KRR1: variants seen among roughly 807,000 people sequenced by gnomAD.
KRR1 encodes KRR1 small subunit processome component.
In KRR1, 23 loss-of-function variants were observed where a neutral mutation model predicts 50.0. The observed-to-expected ratio is 0.46, with a 90% CI of 0.33 to 0.65. KRR1 has a LOEUF of 0.65. Among genes scored for constraint, KRR1 ranks in the 30% least tolerant of loss-of-function variants. The pLI, the probability that KRR1 is intolerant of heterozygous loss-of-function variation, is 0.02. For synonymous variants in KRR1, 133 were observed against 146.3 expected (o/e 0.91, Z 0.66); for missense variants, 419 against 442.4 (o/e 0.95, Z 0.47).
Position 75,492,077 on chromosome 12 carries a change from A to C in KRR1, c.*7732T>G, listed in dbSNP as rs971369971. On this transcript the variant is annotated 3_prime_UTR_variant, in exon 10 of 10. Coordinates refer to ENST00000229214, the MANE Select transcript of KRR1 (RefSeq NM_007043.7). The stretch of plus-strand genomic sequence containing the variant: ...CAAAGCCATAATTCAGTTAGTGGTA[A>C]CTTTTCATGACTTTTTTTTTTTTTT... 2.8e-5 allele frequency: 4 copies of C among 140,852 alleles called. No individual in the cohort carries two copies. The highest frequency in any genetic ancestry group is 1.1e-4 in the African/African-American group (4 of 37,922). The allele number at this position is 140,852 out of a possible 1,614,324, so 8.7% of individuals were successfully genotyped here. A position where few individuals can be genotyped will look rare whatever the true frequency, so the allele number is the denominator to read the frequency against.
In KRR1 at chr12:75,495,826, G is replaced by A. The variant is rs1419367366; in HGVS notation, c.*3983C>T. 2.2e-6 allele frequency: 1 copy of A among 445,714 alleles called. No homozygotes were observed. Among genetic ancestry groups the A allele is most frequent in the African/African-American group, 2.0e-5 (1 of 49,820 alleles). 27.6% of individuals were successfully genotyped at this position (445,714 alleles called of 1,614,324 possible). On this transcript the variant is annotated 3_prime_UTR_variant, in exon 10 of 10. Coordinates refer to ENST00000229214, the MANE Select transcript of KRR1 (RefSeq NM_007043.7). ...CTTACTGTTCTAGGAATACATTTAA[G>A]AGAAATTTAAATGTGAAAATCACGT...
At chr12:75,502,254 A>G in intron 7 of KRR1, 2 of 330,748 alleles carry the variant, frequency 6.0e-6, no homozygotes, top group Non-Finnish European at 1.1e-5. Context: ...ACTGATTCAG[A>G]AAAGTGTGAG....
At position 75,509,335 on chromosome 12, in the gene KRR1, G is replaced by A. The variant is rs139139613; in HGVS notation, c.86-889C>T. ...AGACCTACTGAATGAGAATCTCTTC[G>A]ACGAGGGACAAGAATCTGTGTTTTA... On this transcript the variant is annotated intron_variant, in intron 1 of 9. Transcript: ENST00000229214. Among the ~76,000 whole-genome samples the A allele has an allele frequency of 4.7e-4, 71 of 152,158 alleles. No individual in the cohort carries two copies. The East Asian group carries it at 7.9e-3, about 17-fold the overall frequency.
At chr12:75,506,125 T>C (rs985512212) in intron 5 of KRR1, 191 bp downstream of exon 5, 2 of 452,460 alleles carry the variant, frequency 4.4e-6, no homozygotes, top group Non-Finnish European at 7.9e-6. Flanking sequence ...GTTGCCAAGG[T>C]TGGCCAAAAC....
rs1481817527 is a variant in KRR1, at chr12:75,498,460, T to A, written c.*1349A>T. 9 of 409,370 alleles carry A rather than the reference T, an allele frequency of 2.2e-5. No individual in the cohort carries two copies. The highest frequency in any genetic ancestry group is 3.5e-5 in the Non-Finnish European group (8 of 231,592). The allele number at this position is 409,370 out of a possible 1,614,324, so 25.4% of individuals were successfully genotyped here. A position where few individuals can be genotyped will look rare whatever the true frequency, so the allele number is the denominator to read the frequency against. On this transcript the variant is annotated 3_prime_UTR_variant, in exon 10 of 10. Coordinates refer to ENST00000229214, the MANE Select transcript of KRR1 (RefSeq NM_007043.7). ...TAAAATGATTTTCCATTTATAGTAA[T>A]GGTATAGTTTCCTTTTTATAAAAGG...
Position 75,503,916 on chromosome 12 carries a change from T to A in KRR1, c.819A>T (p.Gln273His), listed in dbSNP as rs750732688. ...ATTTAGTACTAACCTGACTTTCTGGTTGTGGTGGTGGGAATGGCGTATATT... is the reference window on the plus strand; with the variant it reads ...ATTTAGTACTAACCTGACTTTCTGGATGTGGTGGTGGGAATGGCGTATATT... ...KKEYTPFPPP[Q>H]PESQIDKELA... Residue 273 changes from glutamine to histidine, a missense_variant, in exon 7 of 10, where the codon CAA becomes CAT. Gln to His is a conservative substitution (Grantham distance 24, BLOSUM62 0). Coordinates refer to ENST00000229214, the MANE Select transcript of KRR1 (RefSeq NM_007043.7). The A allele has an allele frequency of 6.2e-7, 1 of 1,608,390 alleles. No individual in the cohort carries two copies. Among genetic ancestry groups the A allele is most frequent in the South Asian group, 1.1e-5 (1 of 90,240 alleles).
chr12:75,506,624 A>AG lies in KRR1; in HGVS notation c.394-16_394-15insC. On this transcript the variant is annotated splice_polypyrimidine_tract_variant and intron_variant, in intron 3 of 9. Coordinates refer to ENST00000229214, the MANE Select transcript of KRR1 (RefSeq NM_007043.7). ...ATTCGTACTGCCTTTTGCAAAAAAA[A>AG]AAAAAAAAAGAAGACATTATCAACA... 1 of 1,552,478 alleles carries AG rather than the reference A, an allele frequency of 6.4e-7. No individual in the cohort carries two copies. Among genetic ancestry groups the AG allele is most frequent in the Non-Finnish European group, 8.6e-7 (1 of 1,160,412 alleles).
intron 7 of KRR1, chr12:75,502,995 AAG>A (rs1025112325): frequency 2.2e-4 from 34 of 152,000 alleles, no homozygotes; most frequent in African/African-American, 7.7e-4. Context: ...TTGTGGAAAA[AAG>A]AGATGTAGAA....
rs566465517 is a variant in KRR1, at chr12:75,492,587, G to A, written c.*7222C>T. The A allele has an allele frequency of 6.6e-6, 1 of 152,254 alleles. No homozygotes were observed. Among genetic ancestry groups the A allele is most frequent in the South Asian group, 2.1e-4 (1 of 4,826 alleles). The allele number at this position is 152,254 out of a possible 1,614,324, so 9.4% of individuals were successfully genotyped here. ...TAGTGAATGTTTTGTAAGTATTCAT[G>A]ATTTTTATTCATTAAAGTATAAATG... On this transcript the variant is annotated 3_prime_UTR_variant, in exon 10 of 10. Coordinates refer to ENST00000229214, the MANE Select transcript of KRR1 (RefSeq NM_007043.7).
rs1295057285 is a variant in KRR1 at position 75,496,814 on chromosome 12, A to T, written c.*2995T>A. The T allele has an allele frequency of 6.6e-6, 1 of 152,182 alleles. No individual in the cohort carries two copies. Among genetic ancestry groups the T allele is most frequent in the Non-Finnish European group, 1.5e-5 (1 of 68,038 alleles). The allele number at this position is 152,182 out of a possible 1,614,324, so 9.4% of individuals were successfully genotyped here. A position where few individuals can be genotyped will look rare whatever the true frequency, so the allele number is the denominator to read the frequency against. On this transcript the variant is annotated 3_prime_UTR_variant, in exon 10 of 10. Coordinates refer to ENST00000229214, the MANE Select transcript of KRR1 (RefSeq NM_007043.7). ...CTAAAATTATAAAATTCTATATATT[A>T]AACTGCTTGCTCTCCTCCTTCCCAT...
intron 9 of KRR1, 187 bp downstream of exon 9, chr12:75,501,536 A>T: frequency 1.8e-6 from 1 of 561,806 alleles, no homozygotes; most frequent in South Asian, 2.3e-5. Flanking sequence ...TTTGCACTGA[A>T]ATAGGCATTA....
chr12:75,499,569 T>TTAATGGA lies in KRR1; in HGVS notation c.*233_*239dup, dbSNP rs2046375799. Reference sequence around the variant, plus strand: ...TAACCAATAGCATCAGACACTGGATTTAATGGATAATCACAATGGTCGTAA... The same window carrying TTAATGGA: ...TAACCAATAGCATCAGACACTGGATTTAATGGATAATGGATAATCACAATGGTCGTAA... On this transcript the variant is annotated 3_prime_UTR_variant, in exon 10 of 10. Coordinates refer to ENST00000229214, the MANE Select transcript of KRR1 (RefSeq NM_007043.7). The TTAATGGA allele has an allele frequency of 4.1e-6, 1 of 243,806 alleles. No homozygotes were observed. The allele number at this position is 243,806 out of a possible 1,614,324, so 15.1% of individuals were successfully genotyped here.
chr12:75,506,442 T>C lies in KRR1; in HGVS notation c.519+42A>G, dbSNP rs543115598. On this transcript the variant is annotated intron_variant, in intron 4 of 9. Transcript: ENST00000229214. The stretch of plus-strand genomic sequence containing the variant: ...GTTAAAATTCATTACTCTGAAAAAG[T>C]ATTAAGGAAGAGACTCAAGTTTTCC... 30 of 1,605,368 alleles carry C rather than the reference T, an allele frequency of 1.9e-5. No homozygotes were observed. In the South Asian group the frequency reaches 2.4e-4, roughly 13 times the overall value.
In KRR1 at chr12:75,499,605, G is replaced by GACATATATACC. The variant is rs2046376158; in HGVS notation, c.*203_*204insGGTATATATGT. 1.9e-5 allele frequency: 6 copies of GACATATATACC among 314,368 alleles called. No individual in the cohort carries two copies. Among genetic ancestry groups the GACATATATACC allele is most frequent in the African/African-American group, 1.4e-4 (6 of 43,608 alleles). The allele number at this position is 314,368 out of a possible 1,614,324, so 19.5% of individuals were successfully genotyped here. On this transcript the variant is annotated 3_prime_UTR_variant, in exon 10 of 10. Transcript: ENST00000229214. ...TCACAATGGTCGTAATGTATACAAA[G>GACATATATACC]ACTTATATACCACTTTCTCGTATAA...
chr12:75,491,259 G>A lies in KRR1; in HGVS notation c.*8550C>T, dbSNP rs1011084934. 4.6e-5 allele frequency: 7 copies of A among 152,140 alleles called. No homozygotes were observed. Among genetic ancestry groups the A allele is most frequent in the African/African-American group, 1.7e-4 (7 of 41,426 alleles). The allele number at this position is 152,140 out of a possible 1,614,324, so 9.4% of individuals were successfully genotyped here. ...AACTTAATCTTCACCAGAAGTTTAT[G>A]AGATGGCTCCTATTACTACCCCTGT... On this transcript the variant is annotated 3_prime_UTR_variant, in exon 10 of 10. Transcript: ENST00000229214.
At chr12:75,507,625 C>G (rs1278529783) in intron 2 of KRR1, among the ~76,000 whole-genome samples, 1 of 152,082 alleles carries the variant, frequency 6.6e-6, no homozygotes, top group Non-Finnish European at 1.5e-5. Context: ...CCACCTTCAC[C>G]CACAATGGCA....
rs2046346015 is a variant in KRR1 at position 75,495,653 on chromosome 12, A to C, written c.*4156T>G. The C allele has an allele frequency of 1.3e-6, 2 of 1,598,438 alleles. No homozygotes were observed. The highest frequency in any genetic ancestry group is 4.5e-5 in the East Asian group (2 of 44,800). On this transcript the variant is annotated 3_prime_UTR_variant, in exon 10 of 10. Coordinates refer to ENST00000229214, the MANE Select transcript of KRR1 (RefSeq NM_007043.7). ...CCCCAATAATGACAAGTGTTTGGACAATCTCTGTGGTGAGTAAAAGGAACA... is the reference window on the plus strand; with the variant it reads ...CCCCAATAATGACAAGTGTTTGGACCATCTCTGTGGTGAGTAAAAGGAACA...
intron 2 of KRR1, among the ~76,000 whole-genome samples, chr12:75,507,903 A>C (rs2046429880): frequency 6.6e-6 from 1 of 152,166 alleles, no homozygotes; most frequent in Non-Finnish European, 1.5e-5. Flanking sequence ...CACATCTTCC[A>C]TTTAAGATGA....
Position 75,494,324 on chromosome 12 carries a change from T to C in KRR1, c.*5485A>G, listed in dbSNP as rs558244095. On this transcript the variant is annotated 3_prime_UTR_variant, in exon 10 of 10. Coordinates refer to ENST00000229214, the MANE Select transcript of KRR1 (RefSeq NM_007043.7). Reference sequence around the variant, plus strand: ...CCTCTATTAAAAATAACATTTCCTTTCATTATGAATGAAGACAACACTCCA... The same window carrying C: ...CCTCTATTAAAAATAACATTTCCTTCCATTATGAATGAAGACAACACTCCA... The C allele has an allele frequency of 8.5e-5, 13 of 152,218 alleles. No individual in the cohort carries two copies. Among genetic ancestry groups the C allele is most frequent in the Non-Finnish European group, 1.8e-4 (12 of 68,032 alleles). The allele number at this position is 152,218 out of a possible 1,614,324, so 9.4% of individuals were successfully genotyped here.
Sources: gnomAD v4.1 joint callset for allele counts (sites outside exome capture counted in the v4.1 genomes callset) on GRCh38, gnomAD v4.1.1 for gene constraint, MANE v1.5 for transcripts, NCBI Gene and HGNC (gene_info 2026-07-23, HGNC 2026-07-21) for gene names.